SLC4A10: variants seen among roughly 807,000 people sequenced by gnomAD.
The protein encoded by SLC4A10 is solute carrier family 4 member 10, also known as sodium-driven chloride bicarbonate exchanger.
SLC4A10 carries 42 observed loss-of-function variants against 137.7 expected under a neutral mutation model. That is an observed-to-expected ratio of 0.30 (90% CI 0.24 to 0.39). The LOEUF is 0.39. Ranked by LOEUF, SLC4A10 falls within the 10% of genes least tolerant of loss-of-function variation. SLC4A10 has a pLI of 1.00. For missense variants in SLC4A10, 925 were observed against 1,355.0 expected, an observed-to-expected ratio of 0.68 and a Z score of 4.98; for synonymous variants, 474 against 464.1, an observed-to-expected ratio of 1.02 and a Z score of -0.27.
intron 12 of SLC4A10, chr2:161,902,199 C>A: frequency 2.4e-6 from 1 of 416,026 alleles, no homozygotes. Flanking sequence ...TAGATTTTTA[C>A]TGCTAAAAGC....
intron 8 of SLC4A10, among the ~76,000 whole-genome samples, chr2:161,878,537 TA>T (rs780002716): frequency 1.8e-4 from 28 of 152,146 alleles, no homozygotes; most frequent in Non-Finnish European, 5.9e-5. Context: ...CAAATGTTAA[TA>T]TTTTTTTCTT....
chr2:161,739,391 T>C (rs1364792855), intron 1 of SLC4A10, among the ~76,000 whole-genome samples: 1 of 152,162 alleles, frequency 6.6e-6, no homozygotes, highest in African/African-American at 2.4e-5. Context: ...CCCATTTCAC[T>C]TCTCTATCAA....
intron 1 of SLC4A10, among the ~76,000 whole-genome samples, chr2:161,735,298 T>C (rs2047227953): frequency 6.6e-6 from 1 of 151,510 alleles, no homozygotes; most frequent in African/African-American, 2.4e-5. Flanking sequence ...AAAGACATAT[T>C]AAAAAATTCT....
At chr2:161,695,506 A>G (rs1338556536) in intron 1 of SLC4A10, among the ~76,000 whole-genome samples, 2 of 152,162 alleles carry the variant, frequency 1.3e-5, no homozygotes, top group Non-Finnish European at 2.9e-5. Context: ...AATTACACTG[A>G]TATCAACTCT....
At chr2:161,752,328 C>T (rs2049074986) in intron 1 of SLC4A10, among the ~76,000 whole-genome samples, 1 of 151,892 alleles carries the variant, frequency 6.6e-6, no homozygotes, top group Non-Finnish European at 1.5e-5. Context: ...GGATGAAGCA[C>T]TTGTATTTCT....
chr2:161,667,607 A>G (rs2039203839), intron 1 of SLC4A10, among the ~76,000 whole-genome samples: 1 of 151,726 alleles, frequency 6.6e-6, no homozygotes, highest in South Asian at 2.1e-4. Flanking sequence ...TTTTTATAAC[A>G]TTGATAAAAA....
At chr2:161,659,730 T>C (rs897090340) in intron 1 of SLC4A10, among the ~76,000 whole-genome samples, 2 of 152,104 alleles carry the variant, frequency 1.3e-5, no homozygotes, top group African/African-American at 4.8e-5. Context: ...ACATTTATAA[T>C]AGACAAAAAG....
At chr2:161,706,617 T>A (rs1264152410) in intron 1 of SLC4A10, among the ~76,000 whole-genome samples, 1 of 151,562 alleles carries the variant, frequency 6.6e-6, no homozygotes, top group Non-Finnish European at 1.5e-5. Context: ...CGGGATATTT[T>A]AAACCTGATT....
intron 1 of SLC4A10, among the ~76,000 whole-genome samples, chr2:161,636,186 A>G (rs964472450): frequency 6.6e-6 from 1 of 152,102 alleles, no homozygotes; most frequent in Non-Finnish European, 1.5e-5. Context: ...TTTCTTTATC[A>G]TACACATTTT....
chr2:161,927,123 A>G (rs1332607399), intron 15 of SLC4A10, among the ~76,000 whole-genome samples: 2 of 152,058 alleles, frequency 1.3e-5, no homozygotes, highest in African/African-American at 4.8e-5. Flanking sequence ...TAGATTGGGG[A>G]AGTTCTCCTG....
intron 1 of SLC4A10, among the ~76,000 whole-genome samples, chr2:161,757,371 A>G (rs1045406407): frequency 6.6e-6 from 1 of 152,192 alleles, no homozygotes; most frequent in African/African-American, 2.4e-5. Context: ...TAAGCTCCTG[A>G]TTCTTCATCT....
At chr2:161,817,749 T>A (rs188685694) in intron 3 of SLC4A10, among the ~76,000 whole-genome samples, 490 of 152,230 alleles carry the variant, frequency 3.2e-3, no homozygotes, top group African/African-American at 9.5e-3. Context: ...TCTTTCCCCA[T>A]TGCTTGTTTT....
chr2:161,783,460 G>A (rs1387494883), intron 2 of SLC4A10, among the ~76,000 whole-genome samples: 1 of 151,982 alleles, frequency 6.6e-6, no homozygotes, highest in Non-Finnish European at 1.5e-5. Flanking sequence ...ATAGACAAAT[G>A]CAGGACCGTA....
intron 1 of SLC4A10, among the ~76,000 whole-genome samples, chr2:161,678,995 A>T (rs888574760): frequency 2.6e-5 from 4 of 152,138 alleles, no homozygotes. Context: ...TGAAATTGTT[A>T]GGATGTGAAT....
Position 161,974,362 on chromosome 2 carries a change from A to T in SLC4A10, c.3227+46A>T, listed in dbSNP as rs746454452. Reference sequence around the variant, plus strand: ...CACATCAATTAAAGTAATGAAATGCATTGTTATATACTTTAAGAATTTCAT... The same window carrying T: ...CACATCAATTAAAGTAATGAAATGCTTTGTTATATACTTTAAGAATTTCAT... On this transcript the variant is annotated intron_variant, in intron 24 of 26. Coordinates refer to ENST00000446997, the MANE Select transcript of SLC4A10 (RefSeq NM_001178015.2). 4 of 1,427,242 alleles carry T rather than the reference A, an allele frequency of 2.8e-6. No individual in the cohort carries two copies. The Admixed American group carries it at 8.2e-5, about 29-fold the overall frequency. 88.4% of individuals were successfully genotyped at this position (1,427,242 alleles called of 1,614,324 possible). A position where few individuals can be genotyped will look rare whatever the true frequency, so the allele number is the denominator to read the frequency against.
intron 3 of SLC4A10, among the ~76,000 whole-genome samples, chr2:161,827,938 A>G (rs2058133622): frequency 6.6e-6 from 1 of 152,142 alleles, no homozygotes; most frequent in South Asian, 2.1e-4. Context: ...GCTTGGTCCA[A>G]TCTTCTGGGA....
intron 26 of SLC4A10, 56 bp downstream of exon 26, chr2:161,977,816 T>C: frequency 4.0e-6 from 6 of 1,511,836 alleles, no homozygotes; most frequent in Non-Finnish European, 5.3e-6. Flanking sequence ...TGTTAAATGG[T>C]GTCTTCTAGA....
intron 3 of SLC4A10, among the ~76,000 whole-genome samples, chr2:161,806,444 C>T (rs2055969420): frequency 6.6e-6 from 1 of 152,070 alleles, no homozygotes; most frequent in South Asian, 2.1e-4. Context: ...ATTTTCTGAA[C>T]TTTTATCCTT....
intron 12 of SLC4A10, among the ~76,000 whole-genome samples, chr2:161,901,527 G>GT (rs951408363): frequency 6.6e-6 from 1 of 152,092 alleles, no homozygotes; most frequent in African/African-American, 2.4e-5. Context: ...GTGCTTCATG[G>GT]TTTTTTTGAC....
Sources: gnomAD v4.1 joint callset for allele counts (sites outside exome capture counted in the v4.1 genomes callset) on GRCh38, gnomAD v4.1.1 for gene constraint, MANE v1.5 for transcripts, NCBI Gene and HGNC (gene_info 2026-07-23, HGNC 2026-07-21) for gene names.